The following ATF7IP2 variants were observed in gnomAD, a reference collection of about 807,000 sequenced individuals.
ATF7IP2 encodes the protein activating transcription factor 7-interacting protein 2.
A neutral mutation model predicts 64.2 loss-of-function variants in ATF7IP2; 42 were observed. That is an observed-to-expected ratio of 0.65 (90% confidence interval 0.51 to 0.85). The LOEUF (loss-of-function observed/expected upper bound fraction) is 0.85, where lower values mean the gene tolerates loss of function less well. Among genes scored for constraint, ATF7IP2 ranks in the 40% least tolerant of loss-of-function variants. The pLI, the probability that ATF7IP2 is intolerant of heterozygous loss-of-function variation, is 0.00. For missense variants in ATF7IP2, 933 were observed against 784.2 expected (o/e 1.19, Z -2.27); for synonymous variants, 308 against 272.8 (o/e 1.13, Z -1.27).
intron 1 of ATF7IP2, among the ~76,000 whole-genome samples, chr16:10,401,802 A>G (rs1022428444): frequency 2.1e-5 from 3 of 145,032 alleles, no homozygotes; most frequent in African/African-American, 7.7e-5. Context: ...TTATTCATCT[A>G]TTCAGGATTT....
At chr16:10,478,664 T>A (rs1280169571) in intron 12 of ATF7IP2, among the ~76,000 whole-genome samples, 3 of 152,128 alleles carry the variant, frequency 2.0e-5, no homozygotes, top group Non-Finnish European at 4.4e-5. Context: ...GGGATCTACT[T>A]AAACTAAAGA....
Position 10,426,846 on chromosome 16 carries a change from T to G in ATF7IP2, c.-159-2022T>G, listed in dbSNP as rs185424645. 3.6e-3 allele frequency among the ~76,000 whole-genome samples: 547 copies of G among 151,118 alleles called. 5 individuals are homozygous for G. The highest frequency in any genetic ancestry group is 0.012 in the African/African-American group (506 of 41,234). On this transcript the variant is annotated intron_variant, in intron 3 of 13. Coordinates refer to ENST00000562102, the MANE Select transcript of ATF7IP2 (RefSeq NM_001393719.1). ...CAAGGAATATGTTTTTGGTTTTTGG[T>G]TTTTTTTTGTTGTTGTTTTTTTTTA...
At position 10,472,748 on chromosome 16, in the gene ATF7IP2, C is replaced by T. The variant is rs1011196785; in HGVS notation, c.1426+565C>T. On this transcript the variant is annotated intron_variant, in intron 10 of 13. Transcript: ENST00000562102. ...GCAGGTGCCTGTAATCCCAGCTACT[C>T]TGGAGGGTGAGGCAGGAGAATTGCT... Among the ~76,000 whole-genome samples the T allele has an allele frequency of 2.0e-4, 30 of 151,404 alleles. No individual in the cohort carries two copies. In the South Asian group the frequency reaches 4.0e-3, roughly 20 times the overall value.
intron 8 of ATF7IP2, among the ~76,000 whole-genome samples, chr16:10,453,237 C>G (rs2049047327): frequency 6.6e-6 from 1 of 152,184 alleles, no homozygotes; most frequent in South Asian, 2.1e-4. Context: ...GAGGGAATCT[C>G]CTGGTCTGTG....
intron 1 of ATF7IP2, among the ~76,000 whole-genome samples, chr16:10,399,325 T>C (rs907765186): frequency 3.3e-5 from 5 of 152,248 alleles, no homozygotes; most frequent in Non-Finnish European, 4.4e-5. Context: ...TTTATGATTT[T>C]TCTTTTCTGT....
intron 6 of ATF7IP2, among the ~76,000 whole-genome samples, chr16:10,435,654 A>G (rs2048396909): frequency 6.6e-6 from 1 of 152,234 alleles, no homozygotes; most frequent in Non-Finnish European, 1.5e-5. Context: ...ACCTGTCCCA[A>G]TGTGAACCAC....
chr16:10,433,827 C>T (rs1325564433), intron 6 of ATF7IP2, among the ~76,000 whole-genome samples, 178 bp downstream of exon 6: 1 of 152,188 alleles, frequency 6.6e-6, no homozygotes, highest in African/African-American at 2.4e-5. Flanking sequence ...ATTACCAAAA[C>T]AGCTCTGGTT....
At chr16:10,452,246 T>G (rs1267359439) in intron 8 of ATF7IP2, among the ~76,000 whole-genome samples, 1 of 152,014 alleles carries the variant, frequency 6.6e-6, no homozygotes, top group Admixed American at 6.5e-5. Flanking sequence ...TTTCTCCCCA[T>G]CTTTGTGGAT....
Position 10,482,461 on chromosome 16 carries a change from A to G in ATF7IP2, c.*212A>G. On this transcript the variant is annotated 3_prime_UTR_variant, in exon 14 of 14. Transcript: ENST00000562102. ...TTCCAATGGATAAGTTCTAAAACATACGCTATCATTGGCCCATGTTGCTGA... is the reference window on the plus strand; with the variant it reads ...TTCCAATGGATAAGTTCTAAAACATGCGCTATCATTGGCCCATGTTGCTGA... 2.3e-6 allele frequency: 1 copy of G among 428,454 alleles called. No individual in the cohort carries two copies. Among genetic ancestry groups the G allele is most frequent in the South Asian group, 3.5e-5 (1 of 28,252 alleles). The allele number at this position is 428,454 out of a possible 1,614,324, so 26.5% of individuals were successfully genotyped here. A position where few individuals can be genotyped will look rare whatever the true frequency, so the allele number is the denominator to read the frequency against.
intron 8 of ATF7IP2, among the ~76,000 whole-genome samples, chr16:10,442,022 G>A (rs1188127231): frequency 6.6e-6 from 1 of 152,206 alleles, no homozygotes; most frequent in African/African-American, 2.4e-5. Context: ...CTGTTTCTGT[G>A]TCCTCCCCCC....
In ATF7IP2 at chr16:10,431,229, A is replaced by G; in HGVS notation, c.609A>G (p.Thr203=). 1 of 1,614,208 alleles carries G rather than the reference A, an allele frequency of 6.2e-7. No individual in the cohort carries two copies. Among genetic ancestry groups the G allele is most frequent in the South Asian group, 1.1e-5 (1 of 91,078 alleles). Residue 203 remains threonine (T), a synonymous_variant, in exon 5 of 14, where the codon ACA becomes ACG. Transcript: ENST00000562102. Reference sequence around the variant, plus strand: ...ACCAGATGGTTTTCCATTTAGAAACAAACTCCAATTCAGAATCACATGATA... The same window carrying G: ...ACCAGATGGTTTTCCATTTAGAAACGAACTCCAATTCAGAATCACATGATA... The part of the protein sequence containing the change: ...KTDQMVFHLE[T]NSNSESHDKR...
intron 9 of ATF7IP2, among the ~76,000 whole-genome samples, chr16:10,470,989 G>T (rs2049779882): frequency 6.6e-6 from 1 of 152,084 alleles, no homozygotes; most frequent in Admixed American, 6.5e-5. Context: ...TATTAAGACA[G>T]TGGTGTTGGC....
At chr16:10,422,207 A>G (rs936679059) in intron 3 of ATF7IP2, among the ~76,000 whole-genome samples, 9 of 152,210 alleles carry the variant, frequency 5.9e-5, no homozygotes, top group African/African-American at 1.9e-4. Flanking sequence ...TGTTCTATCC[A>G]AATTGGCTTA....
intron 8 of ATF7IP2, chr16:10,454,127 T>TA: frequency 6.6e-6 from 1 of 151,860 alleles, no homozygotes; most frequent in East Asian, 1.9e-4. Context: ...TCACTTGTCC[T>TA]AGGCTGGGCG....
intron 9 of ATF7IP2, among the ~76,000 whole-genome samples, chr16:10,469,383 G>A (rs954800433): frequency 6.6e-6 from 1 of 152,044 alleles, no homozygotes; most frequent in African/African-American, 2.4e-5. Flanking sequence ...CTGAGCAAAT[G>A]TTTGAAGATA....
At chr16:10,393,622 A>C (rs2047371129) in intron 1 of ATF7IP2, among the ~76,000 whole-genome samples, 1 of 152,208 alleles carries the variant, frequency 6.6e-6, no homozygotes, top group Non-Finnish European at 1.5e-5. Flanking sequence ...AGGTAGGCTT[A>C]GGTTTTGCTA....
intron 1 of ATF7IP2, among the ~76,000 whole-genome samples, chr16:10,400,996 C>T (rs1266979261): frequency 6.6e-6 from 1 of 151,938 alleles, no homozygotes; most frequent in Non-Finnish European, 1.5e-5. Flanking sequence ...GCCACCCTGG[C>T]CTTAATGCTA....
At chr16:10,409,147 G>A (rs913060354) in intron 1 of ATF7IP2, among the ~76,000 whole-genome samples, 25 of 152,162 alleles carry the variant, frequency 1.6e-4, no homozygotes, top group Middle Eastern at 3.2e-3. Flanking sequence ...CACATTCTAA[G>A]TTGACCTGAT....
intron 8 of ATF7IP2, among the ~76,000 whole-genome samples, chr16:10,455,000 G>A (rs1435865621): frequency 1.3e-5 from 2 of 152,288 alleles, no homozygotes; most frequent in African/African-American, 4.8e-5. Flanking sequence ...CTTGACGAAT[G>A]TTCCATGTAC....
Sources: allele counts gnomAD v4.1 joint callset (sites outside exome capture counted in the v4.1 genomes callset), GRCh38; gene constraint gnomAD v4.1.1; transcripts MANE v1.5; gene names NCBI Gene and HGNC (gene_info 2026-07-23, HGNC 2026-07-21).